The following ANKRD30B variants were observed in gnomAD, a reference collection of about 807,000 sequenced individuals.
ANKRD30B encodes ankyrin repeat domain 30B.
A neutral mutation model predicts 202.2 loss-of-function variants in ANKRD30B; 144 were observed. The observed-to-expected ratio is 0.71, with a 90% CI of 0.62 to 0.82. ANKRD30B has a LOEUF of 0.82. ANKRD30B is among the 40% of genes least tolerant of loss of function. The pLI is 0.00. For synonymous variants in ANKRD30B, 508 were observed against 561.3 expected (o/e 0.91, Z 1.34); for missense variants, 1,487 against 1,669.1 (o/e 0.89, Z 1.90).
At chr18:14,898,625 C>A in the ANKRD30B span, among the ~76,000 whole-genome samples, 1 of 152,146 alleles carries the variant, frequency 6.6e-6, no homozygotes, top group Non-Finnish European at 1.5e-5. Flanking sequence ...ACATTCGATT[C>A]CTTTTTTACT....
chr18:14,772,666 C>G (rs935736039), intron 9 of ANKRD30B, among the ~76,000 whole-genome samples: 1 of 147,418 alleles, frequency 6.8e-6, no homozygotes, highest in Non-Finnish European at 1.5e-5. Flanking sequence ...AGGAATCTCT[C>G]TGATACTGTT....
the ANKRD30B span, among the ~76,000 whole-genome samples, chr18:14,899,453 T>C: frequency 6.6e-6 from 1 of 152,146 alleles, no homozygotes; most frequent in Non-Finnish European, 1.5e-5. Flanking sequence ...TTTAAAAAAA[T>C]TAGCTCACTT....
At chr18:14,934,908 C>CA in the ANKRD30B span, among the ~76,000 whole-genome samples, 1 of 134,602 alleles carries the variant, frequency 7.4e-6, no homozygotes, top group South Asian at 2.5e-4. Flanking sequence ...CCTCCCTCTA[C>CA]CACACACACA....
chr18:14,797,855 G>T lies in ANKRD30B; in HGVS notation c.2029+1G>T, dbSNP rs1313995443. ...AAGGACAGAGAAACACTCAAAGCAG[G>T]TACATTTTGTAATTTAAATTTTAAT... On this transcript the variant is annotated splice_donor_variant, in intron 20 of 43. Coordinates refer to ENST00000690538, the MANE Select transcript of ANKRD30B (RefSeq NM_001367607.2). LOFTEE classifies it high-confidence loss of function. 7.8e-6 allele frequency: 12 copies of T among 1,542,504 alleles called. No individual in the cohort carries two copies. The highest frequency in any genetic ancestry group is 2.0e-5 in the Admixed American group (1 of 49,760).
At chr18:14,868,578 T>C in the ANKRD30B span, among the ~76,000 whole-genome samples, 3 of 152,384 alleles carry the variant, frequency 2.0e-5, no homozygotes, top group Admixed American at 6.5e-5. Flanking sequence ...AAAGGGAACC[T>C]CTCAGGAGGG....
intron 34 of ANKRD30B, among the ~76,000 whole-genome samples, chr18:14,836,212 A>T (rs1261018030): frequency 6.6e-6 from 1 of 152,168 alleles, no homozygotes; most frequent in Non-Finnish European, 1.5e-5. Context: ...CTTTCTTCTA[A>T]GCCCCATAGA....
intron 6 of ANKRD30B, among the ~76,000 whole-genome samples, chr18:14,761,228 C>CG (rs1190200398): frequency 3.9e-5 from 6 of 152,114 alleles, no homozygotes; most frequent in Non-Finnish European, 7.3e-5. Flanking sequence ...GGCTGCATGA[C>CG]GGATGAGACA....
rs1212690553 is a variant in ANKRD30B at position 14,782,574 on chromosome 18, T to C, written c.1530T>C (p.Ser510=). The change falls in exon 12 of 44, where the codon TCT becomes TCC. Residue 510 remains serine (S), a synonymous_variant. Transcript: ENST00000690538. ...AGACTCAAGTGTGTATACCTGAGTC[T>C]ATGTATCAGAAAGTAATGGAGATAA... The part of the protein sequence containing the change: ...SAKTQVCIPE[S]MYQKVMEINR... 1 of 1,588,678 alleles carries C rather than the reference T, an allele frequency of 6.3e-7. No homozygotes were observed.
the ANKRD30B span, among the ~76,000 whole-genome samples, chr18:14,888,147 A>G: frequency 6.6e-6 from 1 of 151,972 alleles, no homozygotes. Context: ...TGACTTTCAT[A>G]ATAGATTTTT....
At chr18:14,921,751 A>G in the ANKRD30B span, among the ~76,000 whole-genome samples, 1 of 152,132 alleles carries the variant, frequency 6.6e-6, no homozygotes, top group Non-Finnish European at 1.5e-5. Flanking sequence ...TATTTCAGAG[A>G]TGGGCAGGGT....
At chr18:14,869,295 T>C in the ANKRD30B span, among the ~76,000 whole-genome samples, 1 of 151,572 alleles carries the variant, frequency 6.6e-6, no homozygotes, top group East Asian at 2.0e-4. Context: ...TAGACGGTCA[T>C]CTTACTAGCA....
At chr18:14,917,093 A>G in the ANKRD30B span, among the ~76,000 whole-genome samples, 1 of 152,172 alleles carries the variant, frequency 6.6e-6, no homozygotes, top group South Asian at 2.1e-4. Flanking sequence ...CTGCCAGCTG[A>G]CACTCTGTCC....
At chr18:14,843,439 G>T (rs994931482) in intron 39 of ANKRD30B, among the ~76,000 whole-genome samples, 1 of 151,806 alleles carries the variant, frequency 6.6e-6, no homozygotes, top group African/African-American at 2.4e-5. Context: ...ACCCTTTACT[G>T]CAGGGAAAGC....
intron 18 of ANKRD30B, among the ~76,000 whole-genome samples, 200 bp downstream of exon 18, chr18:14,796,615 C>T (rs967190508): frequency 6.6e-5 from 10 of 152,080 alleles, no homozygotes; most frequent in African/African-American, 2.4e-4. Context: ...AAAAATTCAG[C>T]TTTGCCTCAT....
chr18:14,900,521 T>C, the ANKRD30B span, among the ~76,000 whole-genome samples: 1 of 152,178 alleles, frequency 6.6e-6, no homozygotes, highest in Non-Finnish European at 1.5e-5. Context: ...ATTATGATGT[T>C]CATTCCTTCA....
At chr18:14,830,507 ACT>A (rs1970865329) in intron 33 of ANKRD30B, among the ~76,000 whole-genome samples, 2 of 152,184 alleles carry the variant, frequency 1.3e-5, no homozygotes, top group South Asian at 4.1e-4. Flanking sequence ...ATTTCAGGGC[ACT>A]CTCTTGTAGC....
chr18:14,806,162 G>T (rs1401888020), intron 24 of ANKRD30B, among the ~76,000 whole-genome samples: 68 of 149,248 alleles, frequency 4.6e-4, no homozygotes, highest in African/African-American at 1.6e-3. Context: ...GGAGCTTACA[G>T]TCAGCCCAGA....
At chr18:14,842,828 C>T (rs1971473115) in intron 37 of ANKRD30B, 69 bp from the exon 38 acceptor site, 15 of 1,471,932 alleles carry the variant, frequency 1.0e-5, no homozygotes, top group Non-Finnish European at 1.4e-5. Context: ...GATACTATCA[C>T]TGGATTCATT....
rs1050896484 is a variant in ANKRD30B, at chr18:14,848,817, C to T, written c.3283C>T (p.Gln1095Ter). ...NCEQITAKMEQTKNKFCVLQK... is the reference protein window; with the variant it reads ...NCEQITAKME The stretch of plus-strand genomic sequence containing the variant: ...TGAACAAATTACAGCAAAAATGGAA[C>T]AAACGAAAAATAAGTTTTGTGTACT... Residue 1095 changes from glutamine (Q) to a stop codon, truncating the protein, a stop_gained, in exon 40 of 44, where the codon CAA (glutamine) becomes TAA (stop). Coordinates refer to ENST00000690538, the MANE Select transcript of ANKRD30B (RefSeq NM_001367607.2). LOFTEE classifies it high-confidence loss of function. The T allele has an allele frequency of 6.7e-5, 106 of 1,580,446 alleles. No homozygotes were observed. The highest frequency in any genetic ancestry group is 8.9e-5 in the Non-Finnish European group (103 of 1,162,304).
Sources: gnomAD v4.1 joint callset for allele counts (sites outside exome capture counted in the v4.1 genomes callset) on GRCh38, gnomAD v4.1.1 for gene constraint, MANE v1.5 for transcripts, NCBI Gene and HGNC (gene_info 2026-07-23, HGNC 2026-07-21) for gene names.